SPOCK3: variants seen among roughly 807,000 people sequenced by gnomAD.
SPOCK3 encodes the protein SPARC (osteonectin), cwcv and kazal like domains proteoglycan 3, also known as testican-3.
In SPOCK3, 30 loss-of-function variants were observed where a neutral mutation model predicts 56.6. The ratio of observed to expected loss-of-function variants is 0.53; its 90% confidence interval spans 0.40 to 0.72. The LOEUF is 0.72. SPOCK3 is among the 30% of genes least tolerant of loss of function. The pLI is 0.00. For synonymous variants in SPOCK3, 196 were observed against 183.3 expected, an observed-to-expected ratio of 1.07 and a Z score of -0.56; for missense variants, 527 against 530.0, an observed-to-expected ratio of 0.99 and a Z score of 0.06.
intron 2 of SPOCK3, among the ~76,000 whole-genome samples, chr4:167,132,665 A>T (rs1302639991): frequency 6.6e-6 from 1 of 152,144 alleles, no homozygotes; most frequent in Non-Finnish European, 1.5e-5. Context: ...GAAGCCACAA[A>T]TCAAAGCCTT....
intron 7 of SPOCK3, among the ~76,000 whole-genome samples, chr4:166,783,501 C>T (rs1043690966): frequency 6.6e-6 from 1 of 152,006 alleles, no homozygotes; most frequent in African/African-American, 2.4e-5. Context: ...AATAAGCATG[C>T]ATTACTTGCA....
intron 2 of SPOCK3, among the ~76,000 whole-genome samples, chr4:167,179,464 T>G (rs1460324889): frequency 6.6e-6 from 1 of 152,182 alleles, no homozygotes; most frequent in Non-Finnish European, 1.5e-5. Context: ...CAGTTTTGGT[T>G]CCACAAAACT....
At chr4:166,745,259 AGGGAAGCCCAT>A in intron 8 of SPOCK3, among the ~76,000 whole-genome samples, 1 of 134,054 alleles carries the variant, frequency 7.5e-6, no homozygotes, top group African/African-American at 2.6e-5. Flanking sequence ...TTACCCACAA[AGGGAAGCCCAT>A]CAGACTAACA....
intron 6 of SPOCK3, among the ~76,000 whole-genome samples, chr4:166,852,310 A>AATG (rs978577990): frequency 1.3e-5 from 2 of 151,988 alleles, no homozygotes; most frequent in Non-Finnish European, 2.9e-5. Flanking sequence ...TAATAATAAT[A>AATG]ATAATTAAAA....
intron 6 of SPOCK3, among the ~76,000 whole-genome samples, chr4:166,826,268 T>A (rs1323204537): frequency 6.6e-6 from 1 of 152,146 alleles, no homozygotes; most frequent in African/African-American, 2.4e-5. Context: ...TCGTATGTCA[T>A]CAATTCTAAG....
At chr4:166,742,933 C>CA (rs1482261187) in intron 8 of SPOCK3, among the ~76,000 whole-genome samples, 3 of 151,864 alleles carry the variant, frequency 2.0e-5, no homozygotes, top group Non-Finnish European at 2.9e-5. Flanking sequence ...TGAAAATTTT[C>CA]AAAAAATAAA....
At chr4:167,048,298 C>A (rs556682153) in intron 3 of SPOCK3, among the ~76,000 whole-genome samples, 1 of 151,256 alleles carries the variant, frequency 6.6e-6, no homozygotes, top group African/African-American at 2.4e-5. Context: ...AGTTTACATA[C>A]TAGATTGTTA....
chr4:166,986,637 C>T (rs963711686), intron 4 of SPOCK3, among the ~76,000 whole-genome samples: 2 of 152,040 alleles, frequency 1.3e-5, no homozygotes, highest in Non-Finnish European at 2.9e-5. Flanking sequence ...TGATCACTAC[C>T]ACCAAGTGAA....
At chr4:166,914,990 TG>T (rs1358679694) in intron 4 of SPOCK3, among the ~76,000 whole-genome samples, 1 of 152,112 alleles carries the variant, frequency 6.6e-6, no homozygotes, top group Non-Finnish European at 1.5e-5. Flanking sequence ...TCAATAAAAA[TG>T]GTACTTTTTA....
chr4:167,126,625 CA>C (rs34354987), intron 2 of SPOCK3, among the ~76,000 whole-genome samples: 83 of 147,118 alleles, frequency 5.6e-4, no homozygotes, highest in Admixed American at 6.8e-4. Flanking sequence ...CCCTGCAATA[CA>C]AAAAAAAAAA....
At chr4:166,954,640 TCTATTCTAGTC>T (rs1743164442) in intron 4 of SPOCK3, among the ~76,000 whole-genome samples, 1 of 152,222 alleles carries the variant, frequency 6.6e-6, no homozygotes, top group African/African-American at 2.4e-5. Context: ...TTCTGGGCTC[TCTATTCTAGTC>T]CATTGGTCTG....
At chr4:167,116,919 ATATATATATATATACTTTTGTGTATATG>A (rs1761473491) in intron 2 of SPOCK3, among the ~76,000 whole-genome samples, 1 of 144,244 alleles carries the variant, frequency 6.9e-6, no homozygotes, top group Admixed American at 7.1e-5. Context: ...GTGTGTATAT[ATATATATATATATACTTTTGTGTATATG>A]TATATATATA....
chr4:167,018,414 G>C (rs1053689712), intron 3 of SPOCK3, among the ~76,000 whole-genome samples: 1 of 152,090 alleles, frequency 6.6e-6, no homozygotes, highest in Admixed American at 6.6e-5. Flanking sequence ...TTCTGGAGTG[G>C]GATGAGGAAA....
chr4:166,948,751 C>T, intron 4 of SPOCK3, among the ~76,000 whole-genome samples: 1 of 152,096 alleles, frequency 6.6e-6, no homozygotes, highest in South Asian at 2.1e-4. Flanking sequence ...GGTAACCCGA[C>T]CTTTCTCTCT....
chr4:166,737,428 T>C, intron 10 of SPOCK3, 39 bp downstream of exon 10: 1 of 1,591,436 alleles, frequency 6.3e-7, no homozygotes, highest in Non-Finnish European at 8.6e-7. Flanking sequence ...CTTAATTCTG[T>C]GCTTAGAAAA....
chr4:166,764,393 A>G (rs1276120614), intron 7 of SPOCK3, among the ~76,000 whole-genome samples: 1 of 151,322 alleles, frequency 6.6e-6, no homozygotes, highest in African/African-American at 2.4e-5. Context: ...TCCTGTGTCC[A>G]AGTGTTCTCA....
chr4:166,767,197 G>C (rs1438774989), intron 7 of SPOCK3, among the ~76,000 whole-genome samples: 1 of 151,178 alleles, frequency 6.6e-6, no homozygotes, highest in East Asian at 1.9e-4. Flanking sequence ...CTTCAGTTCT[G>C]CTCTGATCTT....
intron 7 of SPOCK3, among the ~76,000 whole-genome samples, chr4:166,777,385 G>A (rs1290630266): frequency 6.6e-6 from 1 of 152,134 alleles, no homozygotes; most frequent in Non-Finnish European, 1.5e-5. Flanking sequence ...TATACCAGAG[G>A]CAGTTATTGC....
chr4:167,174,061 T>C (rs534953449), intron 2 of SPOCK3, among the ~76,000 whole-genome samples: 1 of 152,274 alleles, frequency 6.6e-6, no homozygotes, highest in East Asian at 1.9e-4. Context: ...GTTACCATTG[T>C]TTTTTAATAG....
Sources: gnomAD v4.1 joint callset for allele counts (sites outside exome capture counted in the v4.1 genomes callset) on GRCh38, gnomAD v4.1.1 for gene constraint, MANE v1.5 for transcripts, NCBI Gene and HGNC (gene_info 2026-07-23, HGNC 2026-07-21) for gene names.